Variants in NLRX1 observed in about 807,000 individuals in gnomAD.
NLRX1 encodes the protein NOD-like receptor X1.
Under a neutral mutation model 74.2 loss-of-function variants are expected in NLRX1, and 67 were observed. That is an observed-to-expected ratio of 0.90 (90% CI 0.74 to 1.11). The LOEUF (loss-of-function observed/expected upper bound fraction) is 1.11. NLRX1 is among the 50% of genes least tolerant of loss of function. The pLI, the probability that NLRX1 is intolerant of heterozygous loss-of-function variation, is 0.00. For missense variants in NLRX1, 1,191 were observed against 1,305.4 expected (o/e 0.91, Z 1.35); for synonymous variants, 506 against 559.1 (o/e 0.91, Z 1.34).
chr11:119,181,732 G>C (rs186145715), intron 8 of NLRX1, among the ~76,000 whole-genome samples: 1 of 152,246 alleles, frequency 6.6e-6, no homozygotes, highest in African/African-American at 2.4e-5. Context: ...GAGAAGGATA[G>C]GGGAGTCAGA....
chr11:119,174,590 G>A lies in NLRX1; in HGVS notation c.987G>A (p.Pro329=), dbSNP rs143312257. ...KLYFQLRLNQ[P]YCGYAVGGSG... ...ACTTCCAGCTCCGCCTCAACCAGCC[G>A]TACTGCGGGTATGCCGTTGGCGGTT... Residue 329 remains proline, a synonymous_variant, in exon 6 of 10, where the codon CCG becomes CCA. Coordinates refer to ENST00000409109, the MANE Select transcript of NLRX1 (RefSeq NM_001282144.2). 25 of 1,614,018 alleles carry A rather than the reference G, an allele frequency of 1.5e-5. No individual in the cohort carries two copies. The highest frequency in any genetic ancestry group is 3.3e-4 in the Middle Eastern group (2 of 6,084).
At position 119,180,077 on chromosome 11, in the gene NLRX1, C is replaced by A; in HGVS notation, c.2056C>A (p.Gln686Lys). Residue 686 changes from glutamine (Q) to lysine (K), a missense_variant, in exon 7 of 10, where the codon CAG (glutamine) becomes AAG (lysine). Physicochemically the swap from Gln to Lys is moderately conservative, Grantham distance 53. Transcript: ENST00000409109. The part of the protein sequence containing the change: ...LDHLFFHYEF[Q>K]NQRFSAEVLS... ...CCACCTCTTCTTCCACTATGAGTTC[C>A]AGAACCAGCGCTTCTCCGCTGAGGT... 1 of 1,613,730 alleles carries A rather than the reference C, an allele frequency of 6.2e-7. No homozygotes were observed. The highest frequency in any genetic ancestry group is 8.5e-7 in the Non-Finnish European group (1 of 1,180,004).
intron 2 of NLRX1, 120 bp from the exon 3 acceptor site, chr11:119,172,236 A>G: frequency 4.0e-6 from 3 of 744,176 alleles, no homozygotes; most frequent in Non-Finnish European, 7.2e-6. Context: ...ATTGCAAAAT[A>G]ACTGCTGCAA....
intron 3 of NLRX1, 59 bp from the exon 4 acceptor site, chr11:119,172,842 C>T: frequency 1.6e-6 from 2 of 1,262,722 alleles, no homozygotes; most frequent in Non-Finnish European, 1.2e-6. Context: ...GGACCCAGAG[C>T]CTGTGAAGGG....
intron 1 of NLRX1, among the ~76,000 whole-genome samples, chr11:119,169,535 GGT>G (rs1948489607): frequency 6.6e-6 from 1 of 152,238 alleles, no homozygotes; most frequent in Non-Finnish European, 1.5e-5. Context: ...TGCTAAGGCA[GGT>G]GGCCCAATGC....
chr11:119,179,966 C>G lies in NLRX1; in HGVS notation c.1945C>G (p.Leu649Val). The change falls in exon 7 of 10, where the codon CTG (leucine) becomes GTG (valine). Residue 649 changes from leucine (L) to valine (V), a missense_variant. Leu to Val is a conservative substitution (Grantham distance 32). Coordinates refer to ENST00000409109, the MANE Select transcript of NLRX1 (RefSeq NM_001282144.2). ...TCAGCTTGGCTGCCCCATCAAGAACCTGGATGCCCTGGAGAATGCCCAGGC... is the reference window on the plus strand; with the variant it reads ...TCAGCTTGGCTGCCCCATCAAGAACGTGGATGCCCTGGAGAATGCCCAGGC... ...LAQLGCPIKN[L>V]DALENAQAIK... 6.2e-7 allele frequency: 1 copy of G among 1,613,552 alleles called. No homozygotes were observed. Among genetic ancestry groups the G allele is most frequent in the Non-Finnish European group, 8.5e-7 (1 of 1,179,750 alleles).
At chr11:119,178,428 T>G (rs1177268645) in intron 6 of NLRX1, among the ~76,000 whole-genome samples, 1 of 152,198 alleles carries the variant, frequency 6.6e-6, no homozygotes, top group East Asian at 1.9e-4. Context: ...CCCTTTCTGA[T>G]CTAGTCTGAG....
chr11:119,169,590 C>G (rs12286082), intron 1 of NLRX1, among the ~76,000 whole-genome samples: 7 of 152,226 alleles, frequency 4.6e-5, no homozygotes, highest in Admixed American at 4.6e-4. Context: ...AAGCCCCGAT[C>G]TCAGTGGAGG....
intron 3 of NLRX1, 97 bp from the exon 4 acceptor site, chr11:119,172,804 C>T (rs192990272): frequency 1.1e-6 from 1 of 896,940 alleles, no homozygotes; most frequent in African/African-American, 1.6e-5. Flanking sequence ...TCTCAGGAAA[C>T]CAGAAGTCTA....
rs751393323 is a variant in NLRX1, at chr11:119,173,862, C to A, written c.613C>A (p.Leu205Met). 1 of 1,613,482 alleles carries A rather than the reference C, an allele frequency of 6.2e-7. No individual in the cohort carries two copies. The highest frequency in any genetic ancestry group is 8.5e-7 in the Non-Finnish European group (1 of 1,180,044). The change falls in exon 5 of 10, where the codon CTG (leucine) becomes ATG (methionine). Residue 205 changes from leucine to methionine, a missense_variant. By Grantham distance (15) the Leu-to-Met change is conservative (BLOSUM62 2). Transcript: ENST00000409109. This position sits in a 1 kb window ranked among gnomAD's most constrained non-coding sequence, Gnocchi z 4.0. Reference sequence around the variant, plus strand: ...CTTCTCCTGTGAGGACCTGTCATCCCTGGGCCCTGCCCCAGCCTCCCTGTG... The same window carrying A: ...CTTCTCCTGTGAGGACCTGTCATCCATGGGCCCTGCCCCAGCCTCCCTGTG... ...IPFSCEDLSS[L>M]GPAPASLCQL...
At chr11:119,177,499 G>A (rs1391900655) in intron 6 of NLRX1, among the ~76,000 whole-genome samples, 4 of 151,450 alleles carry the variant, frequency 2.6e-5, no homozygotes, top group Admixed American at 6.6e-5. Context: ...GTGGTGGCAC[G>A]TGTCTGTAAT....
rs766073588 is a variant in NLRX1, at chr11:119,179,942, CAGCTTGGCTG to C, written c.1922_1931del (p.Gln641ProfsTer65). 9 of 1,613,300 alleles carry C rather than the reference CAGCTTGGCTG, an allele frequency of 5.6e-6. No homozygotes were observed. Among genetic ancestry groups the C allele is most frequent in the Non-Finnish European group, 7.6e-6 (9 of 1,179,452 alleles). On this transcript the variant is annotated frameshift_variant, in exon 7 of 10. Coordinates refer to ENST00000409109, the MANE Select transcript of NLRX1 (RefSeq NM_001282144.2). LOFTEE classifies it high-confidence loss of function. ...TGCCCACAACCGAGCTGTGCTAGCT[CAGCTTGGCTG>C]CCCCATCAAGAACCTGGATGCCCTG...
At chr11:119,178,981 G>C (rs773288075) in intron 6 of NLRX1, among the ~76,000 whole-genome samples, 3 of 152,154 alleles carry the variant, frequency 2.0e-5, no homozygotes, top group Non-Finnish European at 4.4e-5. Flanking sequence ...CACTGCACCT[G>C]GCCTATGGAG....
rs1948907134 is a variant in NLRX1, at chr11:119,183,574, A to G, written c.*135A>G. 2.2e-6 allele frequency: 2 copies of G among 893,080 alleles called. No homozygotes were observed. The highest frequency in any genetic ancestry group is 1.6e-5 in the African/African-American group (1 of 60,820). The allele number at this position is 893,080 out of a possible 1,614,324, so 55.3% of individuals were successfully genotyped here. ...GCAGAGGAATGGGCATAGCTGAGCC[A>G]GTTGCCCTCCTAGGGCATGTTTGAC... On this transcript the variant is annotated 3_prime_UTR_variant, in exon 10 of 10. Coordinates refer to ENST00000409109, the MANE Select transcript of NLRX1 (RefSeq NM_001282144.2). The surrounding 1 kb of genome is among the most constrained non-coding windows in gnomAD (Gnocchi z 5.7).
chr11:119,181,020 AAC>A (rs1034395377), intron 7 of NLRX1, 149 bp from the exon 8 acceptor site: 1 of 631,666 alleles, frequency 1.6e-6, no homozygotes, highest in African/African-American at 1.8e-5. Flanking sequence ...CAACCTGGGC[AAC>A]AGAGTGAGAC....
chr11:119,168,682 T>C (rs199476031), upstream of NLRX1: 1 of 152,446 alleles, frequency 6.6e-6, no homozygotes, highest in African/African-American at 2.4e-5. Flanking sequence ...GGTCACTGGG[T>C]GTCACTGGCG....
rs1392476457 is a variant in NLRX1, at chr11:119,183,191, G to T, written c.2680G>T (p.Ala894Ser). 1.9e-6 allele frequency: 3 copies of T among 1,614,110 alleles called. No individual in the cohort carries two copies. The Admixed American group carries it at 5.0e-5, about 27-fold the overall frequency. ...CTTGGGGGGTGCTGCTGAAGGTGGT[G>T]CCCGGGTGGTGGTGTCACTGACAGA... ...RDLGGAAEGG[A>S]RVVVSLTEGT... Residue 894 changes from alanine (A) to serine (S), a missense_variant, in exon 10 of 10, where the codon GCC becomes TCC. Transcript: ENST00000409109. This position sits in a 1 kb window ranked among gnomAD's most constrained non-coding sequence, Gnocchi z 5.7.
At position 119,183,202 on chromosome 11, in the gene NLRX1, G is replaced by A; in HGVS notation, c.2691G>A (p.Val897=). The A allele has an allele frequency of 6.2e-7, 1 of 1,614,226 alleles. No individual in the cohort carries two copies. Reference sequence around the variant, plus strand: ...CTGCTGAAGGTGGTGCCCGGGTGGTGGTGTCACTGACAGAGGGGACGGCGG... The same window carrying A: ...CTGCTGAAGGTGGTGCCCGGGTGGTAGTGTCACTGACAGAGGGGACGGCGG... ...GGAAEGGARV[V]VSLTEGTAVS... Residue 897 remains valine (V), a synonymous_variant, in exon 10 of 10, where the codon GTG becomes GTA. Transcript: ENST00000409109. The surrounding 1 kb of genome is among the most constrained non-coding windows in gnomAD (Gnocchi z 5.7).
At chr11:119,176,733 A>C (rs1231770412) in intron 6 of NLRX1, among the ~76,000 whole-genome samples, 3 of 152,014 alleles carry the variant, frequency 2.0e-5, no homozygotes, top group African/African-American at 7.2e-5. Context: ...AAAAATAAAA[A>C]ATTTTTAATT....
Sources: gnomAD v4.1 joint callset for allele counts (sites outside exome capture counted in the v4.1 genomes callset) on GRCh38, gnomAD v4.1.1 for gene constraint, Gnocchi (gnomAD v3.1) non-coding constraint, MANE v1.5 for transcripts, NCBI Gene and HGNC (gene_info 2026-07-23, HGNC 2026-07-21) for gene names.